The following FAM171B variants were observed in gnomAD, a reference collection of about 807,000 sequenced individuals.
The protein encoded by FAM171B is protein FAM171B.
A neutral mutation model predicts 75.6 loss-of-function variants in FAM171B; 19 were observed. That is an observed-to-expected ratio of 0.25 (90% CI 0.18 to 0.37). The LOEUF is 0.37. FAM171B is among the 10% of genes least tolerant of loss of function. The probability of loss-of-function intolerance (pLI) is 1.00; values close to 1 mark genes in which losing one functional copy is unlikely to be tolerated. For synonymous variants in FAM171B, 367 were observed against 361.7 expected (o/e 1.01, Z -0.17); for missense variants, 848 against 982.4 (o/e 0.86, Z 1.83).
At position 186,762,958 on chromosome 2, in the gene FAM171B, T is replaced by A; in HGVS notation, c.*135T>A. The stretch of plus-strand genomic sequence containing the variant: ...GACATGTCTCAAGCAGAGTAAATGG[T>A]AATTCAGTAATCAGAGAGAAAGATA... On this transcript the variant is annotated 3_prime_UTR_variant, in exon 8 of 8. Coordinates refer to ENST00000304698, the MANE Select transcript of FAM171B (RefSeq NM_177454.4). The surrounding 1 kb of genome is among the most constrained non-coding windows in gnomAD (Gnocchi z 4.0). 9.8e-7 allele frequency: 1 copy of A among 1,020,368 alleles called. No homozygotes were observed. 63.2% of individuals were successfully genotyped at this position (1,020,368 alleles called of 1,614,324 possible).
In FAM171B at chr2:186,762,223, A is replaced by C; in HGVS notation, c.1881A>C (p.Leu627Phe). Residue 627 changes from leucine (L) to phenylalanine (F), a missense_variant, in exon 8 of 8, where the codon TTA (leucine) becomes TTC (phenylalanine). This residue lies in a region of FAM171B where 47 missense variants were observed against 94.0 expected (regional missense o/e 0.50). Coordinates refer to ENST00000304698, the MANE Select transcript of FAM171B (RefSeq NM_177454.4). The surrounding 1 kb of genome is among the most constrained non-coding windows in gnomAD (Gnocchi z 4.0). ...ATTGGAGCCGATACTCAAGCAGCTT[A>C]CTGGAATCCGTCTCTGTTCCTGGAA... is the stretch of plus-strand genomic sequence containing the variant. ...ASDWSRYSSSLLESVSVPGTL... is the reference protein window; with the variant it reads ...ASDWSRYSSSFLESVSVPGTL... 6.2e-7 allele frequency: 1 copy of C among 1,613,714 alleles called. No homozygotes were observed. Among genetic ancestry groups the C allele is most frequent in the Non-Finnish European group, 8.5e-7 (1 of 1,179,768 alleles).
intron 1 of FAM171B, among the ~76,000 whole-genome samples, chr2:186,723,730 A>T (rs1689989479): frequency 6.6e-6 from 1 of 152,222 alleles, no homozygotes; most frequent in Admixed American, 6.5e-5. Context: ...ACTTTGCTTA[A>T]AGTATAAAAC....
intron 2 of FAM171B, among the ~76,000 whole-genome samples, chr2:186,742,233 G>A (rs915444879): frequency 1.3e-5 from 2 of 151,984 alleles, no homozygotes; most frequent in African/African-American, 4.8e-5. Flanking sequence ...ATTTATAATA[G>A]GAAACAATTT....
chr2:186,762,445 T>C lies in FAM171B; in HGVS notation c.2103T>C (p.Asn701=), dbSNP rs759700274. Residue 701 remains asparagine (N), a synonymous_variant, in exon 8 of 8, where the codon AAT becomes AAC. Coordinates refer to ENST00000304698, the MANE Select transcript of FAM171B (RefSeq NM_177454.4). This position sits in a 1 kb window ranked among gnomAD's most constrained non-coding sequence, Gnocchi z 4.0. ...DLKKGKRTQS[N]DTSLDSGVDM... is the part of the protein sequence containing the mutation. ...AAAAGGGCAAGAGAACCCAGAGCAA[T>C]GACACCAGTCTGGACTCTGGGGTGG... is the stretch of plus-strand genomic sequence containing the variant. 6.2e-7 allele frequency: 1 copy of C among 1,613,552 alleles called. No homozygotes were observed. The highest frequency in any genetic ancestry group is 8.5e-7 in the Non-Finnish European group (1 of 1,179,770).
rs374896140 is a variant in FAM171B at position 186,709,277 on chromosome 2, A to G, written c.238+14866A>G. 8.5e-5 allele frequency among the ~76,000 whole-genome samples: 13 copies of G among 152,290 alleles called. No homozygotes were observed. In the East Asian group the frequency reaches 1.7e-3, roughly 20 times the overall value. ...TTCAACAAGAGATTTGGGCAGGGAC[A>G]TACATCCAAACTTCATCCAGTAGTC... is the stretch of plus-strand genomic sequence containing the variant. On this transcript the variant is annotated intron_variant, in intron 1 of 7. Coordinates refer to ENST00000304698, the MANE Select transcript of FAM171B (RefSeq NM_177454.4).
At chr2:186,698,270 T>C (rs906424575) in intron 1 of FAM171B, among the ~76,000 whole-genome samples, 5 of 152,204 alleles carry the variant, frequency 3.3e-5, no homozygotes, top group African/African-American at 9.6e-5. Context: ...TAGAAATGTC[T>C]TTTCAGTACA....
rs187904673 is a variant in FAM171B at position 186,694,847 on chromosome 2, C to G, written c.238+436C>G. Among the ~76,000 whole-genome samples the G allele has an allele frequency of 1.3e-4, 19 of 151,772 alleles. No homozygotes were observed. The East Asian group carries it at 2.9e-3, about 23-fold the overall frequency. ...TCTCTATCCTTTTCTCTCCTAGAGA[C>G]TGAGAAATCTTGCCATGGACACCCA... On this transcript the variant is annotated intron_variant, in intron 1 of 7. Coordinates refer to ENST00000304698, the MANE Select transcript of FAM171B (RefSeq NM_177454.4).
intron 1 of FAM171B, among the ~76,000 whole-genome samples, chr2:186,704,101 C>G (rs1375723506): frequency 6.6e-6 from 1 of 152,128 alleles, no homozygotes; most frequent in East Asian, 1.9e-4. Flanking sequence ...CAAATAACTT[C>G]TCTTCATAAA....
chr2:186,732,307 CAAT>C (rs898748755), intron 1 of FAM171B, among the ~76,000 whole-genome samples: 8 of 152,120 alleles, frequency 5.3e-5, no homozygotes, highest in Non-Finnish European at 1.2e-4. Context: ...TTTAAGTTCT[CAAT>C]GATGATTGCA....
Position 186,728,993 on chromosome 2 carries a change from C to T in FAM171B, c.239-11235C>T, listed in dbSNP as rs544328478. On this transcript the variant is annotated intron_variant, in intron 1 of 7. Coordinates refer to ENST00000304698, the MANE Select transcript of FAM171B (RefSeq NM_177454.4). ...TACCTATTTGTATTCCATAGGAAAA[C>T]CATAATATAGTATTGGTTTTAATAT... Among the ~76,000 whole-genome samples, 10 of 152,144 alleles carry T rather than the reference C, an allele frequency of 6.6e-5. No homozygotes were observed. The South Asian group carries it at 2.1e-3, about 32-fold the overall frequency.
intron 1 of FAM171B, among the ~76,000 whole-genome samples, chr2:186,711,063 T>G (rs1264777301): frequency 1.3e-5 from 2 of 152,186 alleles, no homozygotes; most frequent in Non-Finnish European, 2.9e-5. Flanking sequence ...TAAAAACTTT[T>G]AAATAAGTGA....
rs1199710747 is a variant in FAM171B, at chr2:186,740,219, T to A, written c.239-9T>A. On this transcript the variant is annotated splice_polypyrimidine_tract_variant and intron_variant, in intron 1 of 7. Transcript: ENST00000304698. ...CGACATGCTGCAATTTCTACCTTTT[T>A]CTCTCCAGTGTCTGTATTTATGTTG... 6.2e-7 allele frequency: 1 copy of A among 1,605,640 alleles called. No individual in the cohort carries two copies.
chr2:186,716,774 G>T (rs1689880753), intron 1 of FAM171B, among the ~76,000 whole-genome samples: 1 of 152,132 alleles, frequency 6.6e-6, no homozygotes, highest in Non-Finnish European at 1.5e-5. Context: ...CTCAAAAGCA[G>T]TTGTACAGTT....
chr2:186,711,219 A>G (rs1689805432), intron 1 of FAM171B, among the ~76,000 whole-genome samples: 1 of 152,208 alleles, frequency 6.6e-6, no homozygotes, highest in Non-Finnish European at 1.5e-5. Context: ...TGTAAGTCCA[A>G]GTGTTGTATG....
rs561774631 is a variant in FAM171B, at chr2:186,705,153, A to C, written c.238+10742A>C. 3.0e-4 allele frequency among the ~76,000 whole-genome samples: 45 copies of C among 152,370 alleles called. No homozygotes were observed. The South Asian group carries it at 9.3e-3, about 32-fold the overall frequency. ...CTCCTGCAGCACAGGGCTACCCCAT[A>C]GGCAGAGAGTAGCAGCTCTGGGCAG... On this transcript the variant is annotated intron_variant, in intron 1 of 7. Coordinates refer to ENST00000304698, the MANE Select transcript of FAM171B (RefSeq NM_177454.4).
At chr2:186,705,829 A>G (rs1559081196) in intron 1 of FAM171B, among the ~76,000 whole-genome samples, 1 of 152,192 alleles carries the variant, frequency 6.6e-6, no homozygotes, top group Non-Finnish European at 1.5e-5. Context: ...TTCTTTCAGC[A>G]TTAGTTTCTC....
chr2:186,704,860 G>C (rs997259408), intron 1 of FAM171B, among the ~76,000 whole-genome samples: 34 of 148,752 alleles, frequency 2.3e-4, no homozygotes, highest in Admixed American at 1.3e-3. Flanking sequence ...AGAGAAGAGA[G>C]AGGGAGTCAG....
chr2:186,697,167 A>G lies in FAM171B; in HGVS notation c.238+2756A>G, dbSNP rs1689595484. ...AGGAAAGTTTGTAAGTAGAAGTTAT[A>G]AAGTATGTAAATTTTGGATCTTTAA... On this transcript the variant is annotated intron_variant, in intron 1 of 7. Transcript: ENST00000304698. 2.6e-5 allele frequency among the ~76,000 whole-genome samples: 4 copies of G among 152,368 alleles called. No homozygotes were observed. The South Asian group carries it at 8.3e-4, about 32-fold the overall frequency.
chr2:186,763,337 G>T lies in FAM171B; in HGVS notation c.*514G>T, dbSNP rs1264083021. 1 of 153,524 alleles carries T rather than the reference G, an allele frequency of 6.5e-6. No homozygotes were observed. The allele number at this position is 153,524 out of a possible 1,614,324, so 9.5% of individuals were successfully genotyped here. A position where few individuals can be genotyped will look rare whatever the true frequency, so the allele number is the denominator to read the frequency against. On this transcript the variant is annotated 3_prime_UTR_variant, in exon 8 of 8. Transcript: ENST00000304698. The stretch of plus-strand genomic sequence containing the variant: ...ACTCTGGAGTTATCACAAAGAAAAT[G>T]TTGTTTGGTCTTTAAAGAGCATGTG...
Sources: gnomAD v4.1 joint callset for allele counts (sites outside exome capture counted in the v4.1 genomes callset) on GRCh38, gnomAD v4.1.1 for gene constraint, gnomAD v4.1.1 regional missense constraint, Gnocchi (gnomAD v3.1) non-coding constraint, MANE v1.5 for transcripts, NCBI Gene and HGNC (gene_info 2026-07-23, HGNC 2026-07-21) for gene names.